The following ADGRG7 variants were observed in gnomAD, a reference collection of about 807,000 sequenced individuals.
ADGRG7 encodes adhesion G protein-coupled receptor G7.
Under a neutral mutation model 88.6 loss-of-function variants are expected in ADGRG7, and 82 were observed. The ratio of observed to expected loss-of-function variants is 0.93; its 90% CI spans 0.77 to 1.11. ADGRG7 has a LOEUF of 1.11. Among genes scored for constraint, ADGRG7 ranks in the 50% most tolerant of loss-of-function variants. ADGRG7 has a pLI of 0.00. For synonymous variants in ADGRG7, 381 were observed against 345.2 expected, an observed-to-expected ratio of 1.10 and a Z score of -1.15; for missense variants, 945 against 953.4, an observed-to-expected ratio of 0.99 and a Z score of 0.12.
At chr3:100,659,198 C>T (rs1209583109) in intron 13 of ADGRG7, among the ~76,000 whole-genome samples, 6 of 151,742 alleles carry the variant, frequency 4.0e-5, no homozygotes, top group African/African-American at 7.3e-5. Flanking sequence ...TTTGGGAGGC[C>T]GAGGTGGGTG....
chr3:100,654,251 T>A (rs559506310), intron 11 of ADGRG7: 1 of 152,394 alleles, frequency 6.6e-6, no homozygotes, highest in South Asian at 2.1e-4. Flanking sequence ...CAGGCACTTG[T>A]GCCTTTGTGG....
chr3:100,663,016 C>G (rs1455846249), intron 14 of ADGRG7, among the ~76,000 whole-genome samples: 2 of 151,972 alleles, frequency 1.3e-5, no homozygotes, highest in Admixed American at 6.6e-5. Flanking sequence ...TAAAAATGTC[C>G]TACTGATCCT....
chr3:100,667,511 CT>C (rs1320040303), intron 14 of ADGRG7, among the ~76,000 whole-genome samples: 2 of 152,144 alleles, frequency 1.3e-5, no homozygotes, highest in African/African-American at 2.4e-5. Context: ...TGAACTTATC[CT>C]TTTTTATGGC....
intron 6 of ADGRG7, among the ~76,000 whole-genome samples, chr3:100,641,640 C>G (rs1262572559): frequency 6.6e-6 from 1 of 152,202 alleles, no homozygotes; most frequent in African/African-American, 2.4e-5. Context: ...GCTTAACTTC[C>G]TTTTGACATA....
chr3:100,617,584 GT>G (rs1465371641), intron 1 of ADGRG7, among the ~76,000 whole-genome samples: 1 of 152,152 alleles, frequency 6.6e-6, no homozygotes, highest in Non-Finnish European at 1.5e-5. Flanking sequence ...ATTCCATGGT[GT>G]ATATGTGCCA....
At chr3:100,626,933 G>A (rs992812074) in intron 1 of ADGRG7, among the ~76,000 whole-genome samples, 3 of 152,146 alleles carry the variant, frequency 2.0e-5, no homozygotes, top group African/African-American at 7.2e-5. Flanking sequence ...ATGTGAAAAT[G>A]TCTTTATTTT....
At chr3:100,631,809 C>T (rs1000892250) in intron 3 of ADGRG7, among the ~76,000 whole-genome samples, 14 of 151,956 alleles carry the variant, frequency 9.2e-5, no homozygotes, top group South Asian at 8.3e-4. Flanking sequence ...TATGCATATC[C>T]GTATTTGATT....
At chr3:100,672,040 C>G (rs1434691577) in intron 15 of ADGRG7, among the ~76,000 whole-genome samples, 1 of 152,100 alleles carries the variant, frequency 6.6e-6, no homozygotes, top group Non-Finnish European at 1.5e-5. Flanking sequence ...GCTATGTGGG[C>G]TCTTTTTTGG....
intron 3 of ADGRG7, 61 bp from the exon 4 acceptor site, chr3:100,633,204 A>G (rs956327568): frequency 1.2e-6 from 1 of 802,302 alleles, no homozygotes; most frequent in East Asian, 3.4e-5. Context: ...ATTGCCTAAA[A>G]ATAATAGGCA....
chr3:100,633,168 A>G (rs1168628315), intron 3 of ADGRG7, 97 bp from the exon 4 acceptor site: 3 of 541,010 alleles, frequency 5.5e-6, no homozygotes, highest in African/African-American at 2.0e-5. Context: ...TTTTTAATAA[A>G]TTATAACTTT....
Position 100,630,723 on chromosome 3 carries a change from G to A in ADGRG7, c.248G>A (p.Ser83Asn). 2 of 1,419,878 alleles carry A rather than the reference G, an allele frequency of 1.4e-6. No individual in the cohort carries two copies. Among genetic ancestry groups the A allele is most frequent in the Non-Finnish European group, 1.9e-6 (2 of 1,079,408 alleles). 88.0% of individuals were successfully genotyped at this position (1,419,878 alleles called of 1,614,324 possible). The change falls in exon 3 of 16, where the codon AGT becomes AAT. Residue 83 changes from serine (S) to asparagine (N), a missense_variant. Transcript: ENST00000273352. ...ATTACAGCTAATTTTTGTGAAAATA[G>A]TACCTATATGGGTTTTACTTTTGCC... Reference protein sequence around the residue: ...RCTIANFCENSTYMGFTFARI... With the variant: ...RCTIANFCENNTYMGFTFARI...
At chr3:100,692,863 T>C (rs1227970343) in intron 15 of ADGRG7, among the ~76,000 whole-genome samples, 2 of 152,166 alleles carry the variant, frequency 1.3e-5, no homozygotes, top group Non-Finnish European at 2.9e-5. Flanking sequence ...TCTACAGGCA[T>C]AGGAGCTGAG....
intron 4 of ADGRG7, among the ~76,000 whole-genome samples, chr3:100,633,677 G>A (rs891987896): frequency 4.6e-5 from 7 of 151,824 alleles, no homozygotes; most frequent in African/African-American, 7.3e-5. Flanking sequence ...TCATACCACC[G>A]TGCCCGACTA....
rs990545037 is a variant in ADGRG7 at position 100,659,808 on chromosome 3, C to T, written c.1944C>T (p.Ile648=). ...SNVVMFITIS[I]KVLWKNNQNL... is the part of the protein sequence containing the mutation. ...TTGTTATGTTTATTACAATCTCGAT[C>T]AAAGTGCTGTGGAAGAATAACCAGA... Residue 648 remains isoleucine (I), a synonymous_variant, in exon 14 of 16, where the codon ATC becomes ATT. Transcript: ENST00000273352. The T allele has an allele frequency of 1.2e-6, 2 of 1,613,784 alleles. No homozygotes were observed. Among genetic ancestry groups the T allele is most frequent in the African/African-American group, 2.7e-5 (2 of 74,892 alleles).
intron 15 of ADGRG7, among the ~76,000 whole-genome samples, chr3:100,685,033 T>C (rs542203928): frequency 5.3e-5 from 8 of 152,282 alleles, no homozygotes; most frequent in African/African-American, 1.9e-4. Context: ...TGTATTTTCT[T>C]ATGCTTAACT....
intron 15 of ADGRG7, among the ~76,000 whole-genome samples, chr3:100,676,232 C>T (rs1219330884): frequency 6.6e-6 from 1 of 151,892 alleles, no homozygotes; most frequent in Non-Finnish European, 1.5e-5. Context: ...GATGTGGGCA[C>T]TTATTGCTAT....
At position 100,643,385 on chromosome 3, in the gene ADGRG7, T is replaced by C; in HGVS notation, c.818T>C (p.Val273Ala). 1.2e-6 allele frequency: 2 copies of C among 1,614,084 alleles called. No homozygotes were observed. Among genetic ancestry groups the C allele is most frequent in the Non-Finnish European group, 1.7e-6 (2 of 1,179,944 alleles). ...GAAAATGCGGTGGGGCCTTCAAATG[T>C]TCGCTTCTCTGTGCAGAAAGGTGAG... is the stretch of plus-strand genomic sequence containing the variant. ...SSENAVGPSN[V>A]RFSVQKGASS... is the part of the protein sequence containing the mutation. The change falls in exon 7 of 16, where the codon GTT (valine) becomes GCT (alanine). Residue 273 changes from valine to alanine, a missense_variant. Val to Ala is a moderately conservative substitution (Grantham distance 64). Transcript: ENST00000273352.
At chr3:100,679,745 G>A (rs1389618798) in intron 15 of ADGRG7, among the ~76,000 whole-genome samples, 1 of 152,096 alleles carries the variant, frequency 6.6e-6, no homozygotes, top group Non-Finnish European at 1.5e-5. Flanking sequence ...AGCTGGATTG[G>A]GACACATCTT....
chr3:100,687,919 T>G (rs1168989515), intron 15 of ADGRG7, among the ~76,000 whole-genome samples: 1 of 152,186 alleles, frequency 6.6e-6, no homozygotes, highest in Non-Finnish European at 1.5e-5. Context: ...ATTCCCTCTT[T>G]TTCTATTGAT....
Sources: allele counts gnomAD v4.1 joint callset (sites outside exome capture counted in the v4.1 genomes callset), GRCh38; gene constraint gnomAD v4.1.1; transcripts MANE v1.5; gene names NCBI Gene and HGNC (gene_info 2026-07-23, HGNC 2026-07-21).